Variants in ZNF536 observed in about 807,000 individuals in gnomAD.
ZNF536 encodes zinc finger protein 536.
Under a neutral mutation model 84.5 loss-of-function variants are expected in ZNF536, and 13 were observed. The observed-to-expected ratio is 0.15, with a 90% CI of 0.10 to 0.24. The LOEUF is 0.24. Among genes scored for constraint, ZNF536 ranks in the 10% least tolerant of loss-of-function variants. The pLI is 1.00. For synonymous variants in ZNF536, 811 were observed against 742.5 expected (o/e 1.09, Z -1.50); for missense variants, 1,536 against 1,747.5 (o/e 0.88, Z 2.16).
intron 2 of ZNF536, among the ~76,000 whole-genome samples, chr19:30,323,087 C>T (rs953597056): frequency 6.6e-6 from 1 of 152,096 alleles, no homozygotes; most frequent in African/African-American, 2.4e-5. Flanking sequence ...GACTAAGACT[C>T]CATGATTTTC....
intron 2 of ZNF536, among the ~76,000 whole-genome samples, chr19:30,314,037 C>T (rs2046596188): frequency 6.6e-6 from 1 of 152,332 alleles, no homozygotes; most frequent in African/African-American, 2.4e-5. Context: ...GCTCTTATTC[C>T]CAATGTACTC....
chr19:30,364,113 C>T (rs8106063), intron 3 of ZNF536, among the ~76,000 whole-genome samples: 2,290 of 152,150 alleles, frequency 0.015, 61 homozygotes, highest in African/African-American at 0.049. Context: ...TGGAGCCCCA[C>T]GGTGAACAAA....
chr19:30,522,262 C>CACATATATATATAT (rs2044375836), intron 2 of ZNF536, among the ~76,000 whole-genome samples: 1 of 7,636 alleles, frequency 1.3e-4, no homozygotes, highest in African/African-American at 7.2e-4. Flanking sequence ...GATATATATA[C>CACATATATATATAT]ATATATATAT....
intron 2 of ZNF536, among the ~76,000 whole-genome samples, chr19:30,293,693 G>C (rs553240049): frequency 6.6e-6 from 1 of 152,176 alleles, no homozygotes; most frequent in Admixed American, 6.5e-5. Flanking sequence ...AGGAAAGTAC[G>C]ATAATCGGAG....
At chr19:30,460,735 G>A (rs926940929) in intron 2 of ZNF536, among the ~76,000 whole-genome samples, 2 of 152,170 alleles carry the variant, frequency 1.3e-5, no homozygotes, top group Non-Finnish European at 2.9e-5. Context: ...CAAGAGGAAG[G>A]GAAGGTGGGA....
At chr19:30,273,014 G>A (rs2025938189) in intron 1 of ZNF536, among the ~76,000 whole-genome samples, 1 of 152,152 alleles carries the variant, frequency 6.6e-6, no homozygotes, top group Non-Finnish European at 1.5e-5. Flanking sequence ...CCAGGCTAAA[G>A]CAATCATCCT....
chr19:30,557,277 T>A lies in ZNF536; in HGVS notation c.*113T>A, dbSNP rs1346577949. 4.9e-6 allele frequency: 6 copies of A among 1,219,426 alleles called. No homozygotes were observed. The African/African-American group carries it at 9.0e-5, about 18-fold the overall frequency. The allele number at this position is 1,219,426 out of a possible 1,614,324, so 75.5% of individuals were successfully genotyped here. A position where few individuals can be genotyped will look rare whatever the true frequency, so the allele number is the denominator to read the frequency against. On this transcript the variant is annotated 3_prime_UTR_variant, in exon 5 of 5. Coordinates refer to ENST00000355537, the MANE Select transcript of ZNF536 (RefSeq NM_014717.3). ...GTCAAGAGAAGAATGTATACACATA[T>A]GTGTGTTGAATAATTACTATTGGCA... is the stretch of plus-strand genomic sequence containing the variant.
chr19:30,466,584 A>AGAGAG lies in ZNF536; in HGVS notation c.2170+20852_2170+20853insGAGAG, dbSNP rs1555775077. 1.6e-3 allele frequency among the ~76,000 whole-genome samples: 232 copies of AGAGAG among 144,450 alleles called. 5 individuals are homozygous for AGAGAG. Among genetic ancestry groups the AGAGAG allele is most frequent in the African/African-American group, 5.6e-3 (218 of 38,612 alleles). 94.8% of individuals were successfully genotyped at this position (144,450 alleles called of 152,430 possible). A position where few individuals can be genotyped will look rare whatever the true frequency, so the allele number is the denominator to read the frequency against. ...TTAGAAAGAAAGAAAGAAAGAAAGA[A>AGAGAG]AGAGAGAGAGAGAGAGAGAAAGAAA... On this transcript the variant is annotated intron_variant, in intron 2 of 4. Coordinates refer to ENST00000355537, the MANE Select transcript of ZNF536 (RefSeq NM_014717.3).
At chr19:30,268,280 T>C (rs1228099274) in intron 1 of ZNF536, among the ~76,000 whole-genome samples, 1 of 152,136 alleles carries the variant, frequency 6.6e-6, no homozygotes, top group Non-Finnish European at 1.5e-5. Flanking sequence ...ATTCTTACTA[T>C]TGCAGGACCA....
chr19:30,228,895 T>G lies in ZNF536; in HGVS notation c.-190+222T>G, dbSNP rs2022795977. Among the ~76,000 whole-genome samples, 1 of 147,622 alleles carries G rather than the reference T, an allele frequency of 6.8e-6. No homozygotes were observed. Among genetic ancestry groups the G allele is most frequent in the Non-Finnish European group, 1.5e-5 (1 of 67,216 alleles). On this transcript the variant is annotated intron_variant, in intron 1 of 5. Coordinates refer to the ZNF536 transcript ENST00000585628. This position sits in a 1 kb window ranked among gnomAD's most constrained non-coding sequence, Gnocchi z 4.5. ...TGCTGACTTTTCGGGCCAGGTGAAGTGTTTGGGCCACGCGTGTACCTGTGG... is the reference window on the plus strand; with the variant it reads ...TGCTGACTTTTCGGGCCAGGTGAAGGGTTTGGGCCACGCGTGTACCTGTGG...
chr19:30,298,769 G>A (rs911870951), intron 2 of ZNF536, among the ~76,000 whole-genome samples: 6 of 152,178 alleles, frequency 3.9e-5, no homozygotes, highest in Non-Finnish European at 8.8e-5. Context: ...CAGTGGGCCT[G>A]GAATTATAGT....
intron 1 of ZNF536, among the ~76,000 whole-genome samples, chr19:30,691,845 G>T (rs1206925783): frequency 6.6e-6 from 1 of 152,220 alleles, no homozygotes; most frequent in African/African-American, 2.4e-5. Context: ...ATTAAAAGTG[G>T]ACAAATGAAA....
At chr19:30,474,329 CTCTG>C (rs974175234) in intron 2 of ZNF536, among the ~76,000 whole-genome samples, 33 of 152,088 alleles carry the variant, frequency 2.2e-4, no homozygotes, top group Non-Finnish European at 1.8e-4. Flanking sequence ...CTCTCTCTCT[CTCTG>C]TGTGTGTGTG....
intron 1 of ZNF536, among the ~76,000 whole-genome samples, chr19:30,432,435 A>T (rs867077977): frequency 1.4e-4 from 22 of 152,150 alleles, no homozygotes; most frequent in South Asian, 8.3e-4. Flanking sequence ...CCCGGGTCAA[A>T]TCCAGGAAGG....
intron 2 of ZNF536, among the ~76,000 whole-genome samples, chr19:30,529,010 C>T (rs1231295755): frequency 1.3e-5 from 2 of 151,000 alleles, no homozygotes; most frequent in East Asian, 3.9e-4. Flanking sequence ...GTCTAGTCCT[C>T]GTGGGTCAGA....
At chr19:30,456,308 CTTTTTTT>C (rs11301441) in intron 2 of ZNF536, among the ~76,000 whole-genome samples, 57 of 108,116 alleles carry the variant, frequency 5.3e-4, no homozygotes, top group Middle Eastern at 4.9e-3. Flanking sequence ...TGTTTCTTTT[CTTTTTTT>C]TTTTTTTTTT....
At chr19:30,684,848 G>T (rs1452672679) in intron 1 of ZNF536, among the ~76,000 whole-genome samples, 12 of 152,180 alleles carry the variant, frequency 7.9e-5, no homozygotes, top group African/African-American at 2.9e-4. Context: ...GAACAGCCAA[G>T]GGCCCTTACC....
intron 1 of ZNF536, among the ~76,000 whole-genome samples, chr19:30,590,171 T>A (rs1241398346): frequency 6.6e-6 from 1 of 152,138 alleles, no homozygotes; most frequent in Non-Finnish European, 1.5e-5. Flanking sequence ...TGGGCTCTGA[T>A]CTGGTGAGTG....
At chr19:30,304,751 A>G (rs2046295945) in intron 2 of ZNF536, among the ~76,000 whole-genome samples, 1 of 152,162 alleles carries the variant, frequency 6.6e-6, no homozygotes. Flanking sequence ...AAAGGATGAA[A>G]GCCTGGGGCT....
Sources: allele counts gnomAD v4.1 joint callset (sites outside exome capture counted in the v4.1 genomes callset), GRCh38; gene constraint gnomAD v4.1.1; non-coding constraint Gnocchi (gnomAD v3.1); transcripts MANE v1.5; gene names NCBI Gene and HGNC (gene_info 2026-07-23, HGNC 2026-07-21).